Variants in NR4A2 observed in about 807,000 individuals in gnomAD.
NR4A2 encodes nuclear receptor subfamily 4 group A member 2.
In NR4A2, 1 loss-of-function variant was observed where a neutral mutation model predicts 50.5. The ratio of observed to expected loss-of-function variants is 0.02; its 90% CI spans 0.01 to 0.09. The LOEUF (loss-of-function observed/expected upper bound fraction) is 0.09. Ranked by LOEUF, NR4A2 falls within the 10% of genes least tolerant of loss-of-function variation. The pLI is 1.00. For missense variants in NR4A2, 613 were observed against 777.3 expected, an observed-to-expected ratio of 0.79 and a Z score of 2.51; for synonymous variants, 328 against 309.4, an observed-to-expected ratio of 1.06 and a Z score of -0.63.
chr2:156,327,524 A>T (rs1460955474), intron 5 of NR4A2, among the ~76,000 whole-genome samples: 3 of 151,280 alleles, frequency 2.0e-5, no homozygotes, highest in African/African-American at 7.3e-5. Flanking sequence ...GAGAGTTTGC[A>T]CAGCCCCTGG....
chr2:156,326,779 C>T lies in NR4A2; in HGVS notation c.1300G>A (p.Asp434Asn), dbSNP rs537534281. 6.2e-7 allele frequency: 1 copy of T among 1,614,172 alleles called. No individual in the cohort carries two copies. Among genetic ancestry groups the T allele is most frequent in the Non-Finnish European group, 8.5e-7 (1 of 1,180,036 alleles). Residue 434 changes from aspartate to asparagine, a missense_variant, in exon 6 of 8, where the codon GAC becomes AAC. Coordinates refer to ENST00000339562, the MANE Select transcript of NR4A2 (RefSeq NM_006186.4). The surrounding 1 kb of genome is among the most constrained non-coding windows in gnomAD (Gnocchi z 4.2). ...IPGFADLPKA[D>N]QDLLFESAFL... ...GCTGATTCAAAAAGCAGGTCTTGGTCGGCTTTGGGCAGGTCTGCGAAGCCA... is the reference window on the plus strand; with the variant it reads ...GCTGATTCAAAAAGCAGGTCTTGGTTGGCTTTGGGCAGGTCTGCGAAGCCA...
Position 156,328,281 on chromosome 2 carries a change from T to A in NR4A2, c.994+123A>T. ...GGGCAAGCAGGCAGCTGCAGGGTCCTGGAGGCCATACTGAGGGGGAGTCGG... is the reference window on the plus strand; with the variant it reads ...GGGCAAGCAGGCAGCTGCAGGGTCCAGGAGGCCATACTGAGGGGGAGTCGG... On this transcript the variant is annotated intron_variant, in intron 4 of 7. Coordinates refer to ENST00000339562, the MANE Select transcript of NR4A2 (RefSeq NM_006186.4). The surrounding 1 kb of genome is among the most constrained non-coding windows in gnomAD (Gnocchi z 4.9). 6.6e-7 allele frequency: 1 copy of A among 1,509,648 alleles called. No homozygotes were observed. The highest frequency in any genetic ancestry group is 9.2e-7 in the Non-Finnish European group (1 of 1,088,934). 93.5% of individuals were successfully genotyped at this position (1,509,648 alleles called of 1,614,324 possible). A position where few individuals can be genotyped will look rare whatever the true frequency, so the allele number is the denominator to read the frequency against.
chr2:156,331,925 C>T (rs1686943878), intron 1 of NR4A2: 1 of 156,700 alleles, frequency 6.4e-6, no homozygotes, highest in Non-Finnish European at 1.4e-5. Flanking sequence ...TTCGCAAACC[C>T]AAGGACAGCA....
At position 156,329,308 on chromosome 2, in the gene NR4A2, C is replaced by T. The variant is rs1212997819; in HGVS notation, c.864+15G>A. 6 of 1,607,876 alleles carry T rather than the reference C, an allele frequency of 3.7e-6. No individual in the cohort carries two copies. The highest frequency in any genetic ancestry group is 5.1e-6 in the Non-Finnish European group (6 of 1,177,418). ...GGGCTCCCTACCTGCCTACTCCGCT[C>T]CCGCCATTGCTCACCTTAAAGAAGC... On this transcript the variant is annotated intron_variant, in intron 3 of 7. Transcript: ENST00000339562. This position sits in a 1 kb window ranked among gnomAD's most constrained non-coding sequence, Gnocchi z 7.5.
At chr2:156,327,779 T>A in intron 5 of NR4A2, 72 bp downstream of exon 5, 3 of 1,528,040 alleles carry the variant, frequency 2.0e-6, no homozygotes, top group Non-Finnish European at 2.7e-6. Context: ...TGAGAGTTAA[T>A]GACGGATGTG....
At position 156,329,177 on chromosome 2, in the gene NR4A2, G is replaced by T; in HGVS notation, c.864+146C>A. On this transcript the variant is annotated intron_variant, in intron 3 of 7. Transcript: ENST00000339562. This position sits in a 1 kb window ranked among gnomAD's most constrained non-coding sequence, Gnocchi z 7.5. ...TCCCCGCCGCAGCCCATGGTCTCCT[G>T]CAGGGCAGCTTCGGCGGACCCCGGA... 1 of 1,189,052 alleles carries T rather than the reference G, an allele frequency of 8.4e-7. No individual in the cohort carries two copies. Among genetic ancestry groups the T allele is most frequent in the Non-Finnish European group, 1.2e-6 (1 of 833,226 alleles). The allele number at this position is 1,189,052 out of a possible 1,614,324, so 73.7% of individuals were successfully genotyped here.
chr2:156,326,640 T>A lies in NR4A2; in HGVS notation c.1361+78A>T. 2 of 1,468,946 alleles carry A rather than the reference T, an allele frequency of 1.4e-6. No individual in the cohort carries two copies. The highest frequency in any genetic ancestry group is 1.9e-6 in the Non-Finnish European group (2 of 1,053,936). 91.0% of individuals were successfully genotyped at this position (1,468,946 alleles called of 1,614,324 possible). A position where few individuals can be genotyped will look rare whatever the true frequency, so the allele number is the denominator to read the frequency against. On this transcript the variant is annotated intron_variant, in intron 6 of 7. Transcript: ENST00000339562. The surrounding 1 kb of genome is among the most constrained non-coding windows in gnomAD (Gnocchi z 4.2). ...TCTTTTTCTCTACCCCACCCTCTGG[T>A]TTCCCTTCCTCCCTTTCTTTTCCTT...
In NR4A2 at chr2:156,328,996, T is replaced by C. The variant is rs1266775214; in HGVS notation, c.864+327A>G. 6.6e-6 allele frequency among the ~76,000 whole-genome samples: 1 copy of C among 152,384 alleles called. No homozygotes were observed. Among genetic ancestry groups the C allele is most frequent in the East Asian group, 1.9e-4 (1 of 5,186 alleles). On this transcript the variant is annotated intron_variant, in intron 3 of 7. Transcript: ENST00000339562. The surrounding 1 kb of genome is among the most constrained non-coding windows in gnomAD (Gnocchi z 4.9). ...TTCTCTGTCCTAACCAATTTCATTCTGAACAGGGAAGACAGCTCCTAGCAC... is the reference window on the plus strand; with the variant it reads ...TTCTCTGTCCTAACCAATTTCATTCCGAACAGGGAAGACAGCTCCTAGCAC...
In NR4A2 at chr2:156,326,991, G is replaced by A. The variant is rs17838531; in HGVS notation, c.1159-71C>T. On this transcript the variant is annotated intron_variant, in intron 5 of 7. Coordinates refer to ENST00000339562, the MANE Select transcript of NR4A2 (RefSeq NM_006186.4). The surrounding 1 kb of genome is among the most constrained non-coding windows in gnomAD (Gnocchi z 4.2). ...TATAACCCGTGAAATTGCTAACCCC[G>A]TTTCTAATAGGGGAGCCAGGTTTTT... 6.6e-5 allele frequency: 95 copies of A among 1,442,786 alleles called. No individual in the cohort carries two copies. The highest frequency in any genetic ancestry group is 8.0e-5 in the Non-Finnish European group (82 of 1,031,206). 89.4% of individuals were successfully genotyped at this position (1,442,786 alleles called of 1,614,324 possible).
At chr2:156,327,624 G>A (rs964165202) in intron 5 of NR4A2, among the ~76,000 whole-genome samples, 3 of 152,142 alleles carry the variant, frequency 2.0e-5, no homozygotes, top group South Asian at 2.1e-4. Context: ...AAACCCTGTG[G>A]CGTGTCCCTC....
intron 5 of NR4A2, 53 bp downstream of exon 5, chr2:156,327,798 T>G: frequency 6.5e-7 from 1 of 1,546,090 alleles, no homozygotes; most frequent in South Asian, 1.2e-5. Flanking sequence ...TGGGGAGGGG[T>G]CCTGCCCATC....
At chr2:156,332,379 C>G in intron 1 of NR4A2, 101 bp downstream of exon 1, 1 of 1,024,566 alleles carries the variant, frequency 9.8e-7, no homozygotes, top group Non-Finnish European at 1.3e-6. Flanking sequence ...CCTCTGGCTC[C>G]CACTTCCAGA....
At position 156,326,066 on chromosome 2, in the gene NR4A2, A is replaced by T. The variant is rs1686628164; in HGVS notation, c.1541-66T>A. 1 of 1,613,680 alleles carries T rather than the reference A, an allele frequency of 6.2e-7. No homozygotes were observed. Among genetic ancestry groups the T allele is most frequent in the Non-Finnish European group, 8.5e-7 (1 of 1,179,720 alleles). On this transcript the variant is annotated intron_variant, in intron 7 of 7. Coordinates refer to ENST00000339562, the MANE Select transcript of NR4A2 (RefSeq NM_006186.4). This position sits in a 1 kb window ranked among gnomAD's most constrained non-coding sequence, Gnocchi z 4.2. ...GACAGTTAGCTAGTTGGCAAAACCA[A>T]GGAGAATCTGTGACAAGGGAAACTC...
chr2:156,325,970 A>G lies in NR4A2; in HGVS notation c.1571T>C (p.Val524Ala). 1.9e-6 allele frequency: 3 copies of G among 1,613,988 alleles called. No homozygotes were observed. The highest frequency in any genetic ancestry group is 2.5e-6 in the Non-Finnish European group (3 of 1,180,008). Residue 524 changes from valine (V) to alanine (A), a missense_variant, in exon 8 of 8, where the codon GTG (valine) becomes GCG (alanine). Val to Ala is a moderately conservative substitution (Grantham distance 64). Transcript: ENST00000339562. ...TACAATCTTGTTTTGCAGTTCTTCC[A>G]CTCTCTTGGGTTCCTTGAGCCCGTG... The part of the protein sequence containing the change: ...ERHGLKEPKR[V>A]EELQNKIVNC...
rs987833090 is a variant in NR4A2, at chr2:156,325,672, C to T, written c.*72G>A. Reference sequence around the variant, plus strand: ...GAGACTGCTCACACGGCTATCTCTGCCCATGTGACTTGCCCCCTCTTGACA... The same window carrying T: ...GAGACTGCTCACACGGCTATCTCTGTCCATGTGACTTGCCCCCTCTTGACA... On this transcript the variant is annotated 3_prime_UTR_variant, in exon 8 of 8. Transcript: ENST00000339562. 1 of 1,580,968 alleles carries T rather than the reference C, an allele frequency of 6.3e-7. No individual in the cohort carries two copies. Among genetic ancestry groups the T allele is most frequent in the Non-Finnish European group, 8.7e-7 (1 of 1,151,894 alleles).
At chr2:156,330,837 A>G in intron 1 of NR4A2, 46 bp from the exon 2 acceptor site, 1 of 1,239,732 alleles carries the variant, frequency 8.1e-7, no homozygotes, top group Non-Finnish European at 1.0e-6. Context: ...CCCGACAGAG[A>G]TTCAGCTGGG....
Position 156,328,612 on chromosome 2 carries a change from G to A in NR4A2, c.865-79C>T. 6.4e-7 allele frequency: 1 copy of A among 1,564,528 alleles called. No homozygotes were observed. The highest frequency in any genetic ancestry group is 8.8e-7 in the Non-Finnish European group (1 of 1,137,112). ...GCAACTCGGAGAAAATTTCTGTTAT[G>A]TGACTGGGGTCTACGATTCCTCCCC... On this transcript the variant is annotated intron_variant, in intron 3 of 7. Coordinates refer to ENST00000339562, the MANE Select transcript of NR4A2 (RefSeq NM_006186.4). This position sits in a 1 kb window ranked among gnomAD's most constrained non-coding sequence, Gnocchi z 4.9.
At chr2:156,330,324 A>T in intron 2 of NR4A2, 136 bp from the exon 3 acceptor site, 1 of 1,032,320 alleles carries the variant, frequency 9.7e-7, no homozygotes, top group Non-Finnish European at 1.5e-6. Context: ...GAAAGGCAGG[A>T]GAGAGAGAAT....
rs1418050739 is a variant in NR4A2 at position 156,326,369 on chromosome 2, G to C, written c.1362-41C>G. ...AAGAGAGAGAGGGGAGAAAAAGAGA[G>C]AGAGAAAAGCTAAACAACTAATTAC... On this transcript the variant is annotated intron_variant, in intron 6 of 7. Coordinates refer to ENST00000339562, the MANE Select transcript of NR4A2 (RefSeq NM_006186.4). This position sits in a 1 kb window ranked among gnomAD's most constrained non-coding sequence, Gnocchi z 4.2. 2 of 1,571,030 alleles carry C rather than the reference G, an allele frequency of 1.3e-6. No individual in the cohort carries two copies. Among genetic ancestry groups the C allele is most frequent in the Admixed American group, 1.7e-5 (1 of 59,956 alleles).
Sources: gnomAD v4.1 joint callset for allele counts (sites outside exome capture counted in the v4.1 genomes callset) on GRCh38, gnomAD v4.1.1 for gene constraint, Gnocchi (gnomAD v3.1) non-coding constraint, MANE v1.5 for transcripts, NCBI Gene and HGNC (gene_info 2026-07-23, HGNC 2026-07-21) for gene names.